The following EIF4E3 variants were observed in gnomAD, a reference collection of about 807,000 sequenced individuals.
EIF4E3 encodes the protein eukaryotic translation initiation factor 4E type 3.
Under a neutral mutation model 31.7 loss-of-function variants are expected in EIF4E3, and 26 were observed. That is an observed-to-expected ratio of 0.82 (90% CI 0.60 to 1.14). The LOEUF is 1.14. Ranked by LOEUF, EIF4E3 falls within the 50% of genes most tolerant of loss-of-function variation. The probability of loss-of-function intolerance (pLI) is 0.00; values close to 1 mark genes in which losing one functional copy is unlikely to be tolerated. For synonymous variants in EIF4E3, 128 were observed against 107.7 expected, an observed-to-expected ratio of 1.19 and a Z score of -1.17; for missense variants, 304 against 270.9, an observed-to-expected ratio of 1.12 and a Z score of -0.86.
chr3:71,699,723 CA>C lies in EIF4E3; in HGVS notation c.250-16del. 1 of 1,601,810 alleles carries C rather than the reference CA, an allele frequency of 6.2e-7. No individual in the cohort carries two copies. Among genetic ancestry groups the C allele is most frequent in the Non-Finnish European group, 8.5e-7 (1 of 1,171,448 alleles). The stretch of plus-strand genomic sequence containing the variant: ...CTCCAAAATATCTTTAAAAGAAAAA[CA>C]AACACTTTGTTTAATATACCCAGTA... On this transcript the variant is annotated splice_polypyrimidine_tract_variant and intron_variant, in intron 2 of 6. Transcript: ENST00000425534.
downstream of EIF4E3, among the ~76,000 whole-genome samples, chr3:71,673,368 T>TACA (rs1559581127): frequency 6.6e-6 from 1 of 152,192 alleles, no homozygotes. Context: ...CAGTGAATTA[T>TACA]TGGCCAGGAG....
At position 71,678,150 on chromosome 3, in the gene EIF4E3, A is replaced by G. The variant is rs2048888597; in HGVS notation, c.*6532T>C. ...TGTAATAAACAAGGTTATTCTAATC[A>G]CCACACACACACTGGAAATCTAATA... On this transcript the variant is annotated 3_prime_UTR_variant, in exon 7 of 7. Coordinates refer to ENST00000425534, the MANE Select transcript of EIF4E3 (RefSeq NM_001134651.2). 6.6e-6 allele frequency: 1 copy of G among 152,192 alleles called. No homozygotes were observed. Among genetic ancestry groups the G allele is most frequent in the African/African-American group, 2.4e-5 (1 of 41,468 alleles). 9.4% of individuals were successfully genotyped at this position (152,192 alleles called of 1,614,324 possible). A position where few individuals can be genotyped will look rare whatever the true frequency, so the allele number is the denominator to read the frequency against.
upstream of EIF4E3, chr3:71,753,670 C>T (rs1285247611): frequency 7.1e-6 from 1 of 140,870 alleles, no homozygotes; most frequent in Non-Finnish European, 1.5e-5. Context: ...GCGGCGGCGG[C>T]AGCGGCGGCA....
chr3:71,668,910 A>T, the EIF4E3 span, among the ~76,000 whole-genome samples: 1 of 152,200 alleles, frequency 6.6e-6, no homozygotes, highest in African/African-American at 2.4e-5. Flanking sequence ...TACCCAAAGG[A>T]TTATAAATCA....
At chr3:71,738,341 G>C (rs2049784418) in intron 1 of EIF4E3, among the ~76,000 whole-genome samples, 1 of 152,048 alleles carries the variant, frequency 6.6e-6, no homozygotes, top group Non-Finnish European at 1.5e-5. Flanking sequence ...CCCCCACCAG[G>C]TAGAGTGGAT....
rs2107988690 is a variant in EIF4E3 at position 71,676,814 on chromosome 3, T to C, written c.*7868A>G. 1 of 152,226 alleles carries C rather than the reference T, an allele frequency of 6.6e-6. No homozygotes were observed. Among genetic ancestry groups the C allele is most frequent in the Non-Finnish European group, 1.5e-5 (1 of 68,026 alleles). The allele number at this position is 152,226 out of a possible 1,614,324, so 9.4% of individuals were successfully genotyped here. A position where few individuals can be genotyped will look rare whatever the true frequency, so the allele number is the denominator to read the frequency against. On this transcript the variant is annotated 3_prime_UTR_variant, in exon 7 of 7. Coordinates refer to ENST00000425534, the MANE Select transcript of EIF4E3 (RefSeq NM_001134651.2). ...CTTGACTATCTTCATGAAACACTAA[T>C]TATTTTCGCCTTAAAAAGGGGACAC... is the stretch of plus-strand genomic sequence containing the variant.
the EIF4E3 span, among the ~76,000 whole-genome samples, chr3:71,661,150 G>A: frequency 6.1e-3 from 901 of 148,766 alleles, 13 homozygotes; most frequent in African/African-American, 0.022. Flanking sequence ...CTTCTAGATG[G>A]CATTTTTCCT....
At chr3:71,691,804 C>T (rs776008639) in intron 5 of EIF4E3, among the ~76,000 whole-genome samples, 2 of 152,198 alleles carry the variant, frequency 1.3e-5, no homozygotes, top group Non-Finnish European at 2.9e-5. Flanking sequence ...AGATTCTTTA[C>T]TTTCTAATTT....
chr3:71,707,871 CT>C (rs35421624), intron 2 of EIF4E3, among the ~76,000 whole-genome samples: 567 of 133,198 alleles, frequency 4.3e-3, no homozygotes, highest in African/African-American at 8.4e-3. Context: ...CTAATTCATT[CT>C]TTTTTTTTTT....
intron 6 of EIF4E3, among the ~76,000 whole-genome samples, chr3:71,687,271 GGATTACAGGCGTGAGCCACC>G (rs1204012359): frequency 6.6e-6 from 1 of 152,118 alleles, no homozygotes; most frequent in Admixed American, 6.5e-5. Flanking sequence ...CAAAGTGCTG[GGATTACAGGCGTGAGCCACC>G]ATGCCTGACC....
intron 1 of EIF4E3, among the ~76,000 whole-genome samples, chr3:71,717,123 C>T (rs1382005283): frequency 1.3e-5 from 2 of 152,204 alleles, no homozygotes; most frequent in African/African-American, 4.8e-5. Flanking sequence ...GAAACGGTTT[C>T]TTCGAACCCT....
chr3:71,684,588 T>C lies in EIF4E3; in HGVS notation c.*94A>G, dbSNP rs934521179. The C allele has an allele frequency of 4.0e-6, 6 of 1,490,172 alleles. No homozygotes were observed. The highest frequency in any genetic ancestry group is 4.6e-6 in the Non-Finnish European group (5 of 1,077,902). The allele number at this position is 1,490,172 out of a possible 1,614,324, so 92.3% of individuals were successfully genotyped here. ...GAAACCCACTCTAAATTGACCAGCA[T>C]CGGCTTCGGCAAGTCTTCTCTTCAC... On this transcript the variant is annotated 3_prime_UTR_variant, in exon 7 of 7. Transcript: ENST00000425534.
At chr3:71,738,427 T>G (rs2049785402) in intron 1 of EIF4E3, among the ~76,000 whole-genome samples, 1 of 151,626 alleles carries the variant, frequency 6.6e-6, no homozygotes, top group African/African-American at 2.4e-5. Flanking sequence ...TCACTTCAAA[T>G]ACAACAATGT....
chr3:71,714,532 G>T (rs1457159334), intron 1 of EIF4E3, among the ~76,000 whole-genome samples: 1 of 152,116 alleles, frequency 6.6e-6, no homozygotes, highest in Non-Finnish European at 1.5e-5. Context: ...TACTTGGCGG[G>T]CCAGAGGAAG....
rs1286420750 is a variant in EIF4E3 at position 71,680,708 on chromosome 3, CT to C, written c.*3973del. ...ATAAATGACCACAGGTTCAAAGGGA[CT>C]TTTCGTTGCCTCTCAGTCCCTATTT... is the stretch of plus-strand genomic sequence containing the variant. On this transcript the variant is annotated 3_prime_UTR_variant, in exon 7 of 7. Coordinates refer to ENST00000425534, the MANE Select transcript of EIF4E3 (RefSeq NM_001134651.2). The C allele has an allele frequency of 2.0e-5, 3 of 152,218 alleles. No individual in the cohort carries two copies. Among genetic ancestry groups the C allele is most frequent in the African/African-American group, 7.2e-5 (3 of 41,458 alleles). The allele number at this position is 152,218 out of a possible 1,614,324, so 9.4% of individuals were successfully genotyped here.
At chr3:71,689,329 A>G (rs1246288037) in intron 6 of EIF4E3, among the ~76,000 whole-genome samples, 1 of 152,202 alleles carries the variant, frequency 6.6e-6, no homozygotes, top group Admixed American at 6.5e-5. Context: ...TAAATGTGTG[A>G]CCTGCAGTCT....
chr3:71,666,133 T>G, the EIF4E3 span, among the ~76,000 whole-genome samples: 1 of 152,120 alleles, frequency 6.6e-6, no homozygotes, highest in Non-Finnish European at 1.5e-5. Flanking sequence ...TGAAAAACTC[T>G]TCAAAAAATC....
At chr3:71,752,575 T>C (rs1487259598) in intron 1 of EIF4E3, among the ~76,000 whole-genome samples, 20 of 151,946 alleles carry the variant, frequency 1.3e-4, no homozygotes, top group Non-Finnish European at 1.6e-4. Context: ...TGAGTGTGGG[T>C]GAGAAACAAT....
chr3:71,723,128 G>A (rs1286792133), intron 1 of EIF4E3, among the ~76,000 whole-genome samples: 1 of 152,198 alleles, frequency 6.6e-6, no homozygotes, highest in East Asian at 1.9e-4. Flanking sequence ...TGGCTATGCT[G>A]CAGGTAAGGC....
Sources: allele counts gnomAD v4.1 joint callset (sites outside exome capture counted in the v4.1 genomes callset), GRCh38; gene constraint gnomAD v4.1.1; transcripts MANE v1.5; gene names NCBI Gene and HGNC (gene_info 2026-07-23, HGNC 2026-07-21).